The following ASCC3 variants were observed in gnomAD, a reference collection of about 807,000 sequenced individuals.
The protein encoded by ASCC3 is activating signal cointegrator 1 complex subunit 3.
ASCC3 carries 158 observed loss-of-function variants against 256.3 expected under a neutral mutation model. The observed-to-expected ratio is 0.62, with a 90% CI of 0.54 to 0.70. The LOEUF (loss-of-function observed/expected upper bound fraction) is 0.70, where lower values mean the gene tolerates loss of function less well. Ranked by LOEUF, ASCC3 falls within the 30% of genes least tolerant of loss-of-function variation. The probability of loss-of-function intolerance (pLI) is 0.00; values close to 1 mark genes in which losing one functional copy is unlikely to be tolerated. For missense variants in ASCC3, 2,259 were observed against 2,626.0 expected, an observed-to-expected ratio of 0.86 and a Z score of 3.05; for synonymous variants, 948 against 883.4, an observed-to-expected ratio of 1.07 and a Z score of -1.30.
At chr6:100,799,302 C>T (rs1769792743) in intron 7 of ASCC3, 129 bp downstream of exon 7, 2 of 1,022,138 alleles carry the variant, frequency 2.0e-6, no homozygotes, top group Non-Finnish European at 2.9e-6. Flanking sequence ...TGTCATTTTC[C>T]CCAATACTTT....
chr6:100,615,163 G>A (rs996696727), intron 30 of ASCC3, among the ~76,000 whole-genome samples: 4 of 152,028 alleles, frequency 2.6e-5, no homozygotes, highest in African/African-American at 4.8e-5. Context: ...CTACAGGTGC[G>A]TGCCACCACA....
intron 13 of ASCC3, among the ~76,000 whole-genome samples, chr6:100,687,760 G>A (rs1777652835): frequency 6.6e-6 from 1 of 151,968 alleles, no homozygotes; most frequent in Admixed American, 6.6e-5. Context: ...TTATATTTTA[G>A]TTTACCTGGA....
chr6:100,790,258 C>T (rs1256192298), intron 8 of ASCC3, among the ~76,000 whole-genome samples: 1 of 151,926 alleles, frequency 6.6e-6, no homozygotes, highest in African/African-American at 2.4e-5. Flanking sequence ...AACTCAGAGG[C>T]ATAATTTAAC....
intron 4 of ASCC3, among the ~76,000 whole-genome samples, chr6:100,815,485 G>A (rs942610020): frequency 6.6e-6 from 1 of 151,632 alleles, no homozygotes; most frequent in African/African-American, 2.4e-5. Flanking sequence ...ACAGAACAAA[G>A]CTGAAGATAT....
chr6:100,861,261 G>A (rs1348338362), intron 3 of ASCC3, among the ~76,000 whole-genome samples: 1 of 151,912 alleles, frequency 6.6e-6, no homozygotes, highest in Non-Finnish European at 1.5e-5. Context: ...AACTTTAATG[G>A]GCCCTGTTTC....
chr6:100,628,031 G>C, intron 27 of ASCC3, 44 bp from the exon 28 acceptor site: 1 of 1,597,812 alleles, frequency 6.3e-7, no homozygotes, highest in South Asian at 1.1e-5. Flanking sequence ...TAACAAGCCT[G>C]TGTTGGTCAT....
chr6:100,852,254 A>C (rs1772717834), intron 3 of ASCC3, among the ~76,000 whole-genome samples: 1 of 152,186 alleles, frequency 6.6e-6, no homozygotes, highest in Non-Finnish European at 1.5e-5. Context: ...GGCCCAACTT[A>C]CCCTCAACAA....
chr6:100,642,246 T>A (rs1775160307), intron 24 of ASCC3, among the ~76,000 whole-genome samples: 1 of 152,086 alleles, frequency 6.6e-6, no homozygotes, highest in African/African-American at 2.4e-5. Flanking sequence ...CATTCCATAG[T>A]GATACCATAA....
chr6:100,801,645 A>T (rs573469310), intron 5 of ASCC3, among the ~76,000 whole-genome samples: 1 of 152,176 alleles, frequency 6.6e-6, no homozygotes, highest in South Asian at 2.1e-4. Context: ...GAAATAAAAT[A>T]AAATCCCATC....
chr6:100,564,179 G>A (rs943893624), intron 36 of ASCC3, among the ~76,000 whole-genome samples: 2 of 150,992 alleles, frequency 1.3e-5, no homozygotes, highest in Admixed American at 1.3e-4. Context: ...TGCATACAAT[G>A]TAGAATGATC....
chr6:100,849,037 T>C (rs1256225180), intron 3 of ASCC3, among the ~76,000 whole-genome samples: 2 of 151,956 alleles, frequency 1.3e-5, no homozygotes, highest in Non-Finnish European at 2.9e-5. Context: ...GCCTGGAAGG[T>C]TGGGGCTGCA....
At position 100,652,887 on chromosome 6, in the gene ASCC3, A is replaced by G; in HGVS notation, c.2826T>C (p.Ile942=). ...AYGISHKAYQ[I]DPTLRKHREQ... is the part of the protein sequence containing the mutation. ...CTCGATGCTTTCTTAATGTTGGGTCAATCTATGGCAAAAAATATATAAACA... is the reference window on the plus strand; with the variant it reads ...CTCGATGCTTTCTTAATGTTGGGTCGATCTATGGCAAAAAATATATAAACA... The change falls in exon 18 of 42, where the codon ATT becomes ATC. Residue 942 remains isoleucine (I), a splice_region_variant and synonymous_variant. Coordinates refer to ENST00000369162, the MANE Select transcript of ASCC3 (RefSeq NM_006828.4). 20 of 1,613,716 alleles carry G rather than the reference A, an allele frequency of 1.2e-5. No individual in the cohort carries two copies. Among genetic ancestry groups the G allele is most frequent in the Non-Finnish European group, 1.7e-5 (20 of 1,179,740 alleles).
chr6:100,639,483 T>C (rs1326728184), intron 24 of ASCC3, among the ~76,000 whole-genome samples: 1 of 152,104 alleles, frequency 6.6e-6, no homozygotes. Context: ...AGACCTTATA[T>C]TTTCCATAAT....
chr6:100,674,562 C>T (rs1776911959), intron 14 of ASCC3, among the ~76,000 whole-genome samples: 2 of 151,384 alleles, frequency 1.3e-5, no homozygotes, highest in Non-Finnish European at 2.9e-5. Flanking sequence ...CTTCAAAACT[C>T]ATGGGTAAAC....
At chr6:100,728,805 T>C (rs898183908) in intron 10 of ASCC3, among the ~76,000 whole-genome samples, 2 of 152,132 alleles carry the variant, frequency 1.3e-5, no homozygotes, top group African/African-American at 4.8e-5. Context: ...AATGAAAGCA[T>C]CCATAGCTGC....
rs17060710 is a variant in ASCC3 at position 100,530,320 on chromosome 6, T to C, written c.5775+9843A>G. The C allele has an allele frequency of 2.2e-3, 3,221 of 1,442,408 alleles. 70 individuals carry two copies. The African/African-American group carries it at 0.043, about 19-fold the overall frequency. The allele number at this position is 1,442,408 out of a possible 1,614,324, so 89.4% of individuals were successfully genotyped here. ...CGCAGAAGGATAAAGTTTGTCAGTT[T>C]ATGATCTTCACACAATCTAGTGAAA... On this transcript the variant is annotated intron_variant, in intron 37 of 41. Coordinates refer to ENST00000369162, the MANE Select transcript of ASCC3 (RefSeq NM_006828.4).
At chr6:100,728,462 C>T (rs950055835) in intron 10 of ASCC3, among the ~76,000 whole-genome samples, 3 of 151,830 alleles carry the variant, frequency 2.0e-5, no homozygotes, top group African/African-American at 7.3e-5. Context: ...AATATGCATG[C>T]GTTGTGACCC....
intron 3 of ASCC3, among the ~76,000 whole-genome samples, chr6:100,851,456 A>C (rs1772663803): frequency 2.0e-5 from 3 of 152,216 alleles, no homozygotes; most frequent in Admixed American, 2.0e-4. Context: ...TCTTGCCTTT[A>C]AAAAGTCCAT....
At chr6:100,619,840 T>G (rs894829470) in intron 30 of ASCC3, among the ~76,000 whole-genome samples, 2 of 152,110 alleles carry the variant, frequency 1.3e-5, no homozygotes, top group African/African-American at 4.8e-5. Flanking sequence ...TAGAGAATAC[T>G]GAGATGGGCT....
Sources: gnomAD v4.1 joint callset for allele counts (sites outside exome capture counted in the v4.1 genomes callset) on GRCh38, gnomAD v4.1.1 for gene constraint, MANE v1.5 for transcripts, NCBI Gene and HGNC (gene_info 2026-07-23, HGNC 2026-07-21) for gene names.